The following PTPRG variants were observed in gnomAD, a reference collection of about 807,000 sequenced individuals.
The protein encoded by PTPRG is receptor-type tyrosine-protein phosphatase gamma.
In PTPRG, 102 loss-of-function variants were observed where a neutral mutation model predicts 165.3. The observed-to-expected ratio is 0.62, with a 90% CI of 0.53 to 0.73. The LOEUF is 0.73. PTPRG is among the 30% of genes least tolerant of loss of function. PTPRG has a pLI of 0.00. For synonymous variants in PTPRG, 675 were observed against 669.5 expected (o/e 1.01, Z -0.13); for missense variants, 1,866 against 1,861.4 (o/e 1.00, Z -0.05).
chr3:61,989,916 G>A (rs1443215301), intron 3 of PTPRG, 112 bp downstream of exon 3: 2 of 1,199,120 alleles, frequency 1.7e-6, no homozygotes, highest in Non-Finnish European at 2.3e-6. Flanking sequence ...TTGCTGTGGG[G>A]AGCCTAAATC....
chr3:61,583,060 A>G (rs1700342179), intron 1 of PTPRG, among the ~76,000 whole-genome samples: 1 of 152,198 alleles, frequency 6.6e-6, no homozygotes, highest in African/African-American at 2.4e-5. Flanking sequence ...GTGGTTGACC[A>G]TGAGGCAAAT....
chr3:61,748,774 A>T, intron 1 of PTPRG, 104 bp from the exon 2 acceptor site: 1 of 862,722 alleles, frequency 1.2e-6, no homozygotes, highest in Non-Finnish European at 1.8e-6. Flanking sequence ...GTCATCCTCA[A>T]GGACTATGAT....
chr3:61,879,565 A>G (rs1401459386), intron 2 of PTPRG, among the ~76,000 whole-genome samples: 2 of 152,172 alleles, frequency 1.3e-5, no homozygotes, highest in Non-Finnish European at 2.9e-5. Context: ...ATGTTACTTA[A>G]TGACAGGGAT....
intron 1 of PTPRG, among the ~76,000 whole-genome samples, chr3:61,615,602 A>G (rs964027467): frequency 6.6e-6 from 1 of 152,216 alleles, no homozygotes; most frequent in African/African-American, 2.4e-5. Flanking sequence ...TTGAGCAGGT[A>G]CTTTGAGACT....
intron 2 of PTPRG, among the ~76,000 whole-genome samples, chr3:61,807,884 C>G (rs1391912624): frequency 1.3e-5 from 2 of 152,116 alleles, no homozygotes; most frequent in African/African-American, 4.8e-5. Flanking sequence ...ACTGGGCAAC[C>G]ATATTTTTGA....
At chr3:61,640,752 A>C (rs9881520) in intron 1 of PTPRG, among the ~76,000 whole-genome samples, 14 of 152,048 alleles carry the variant, frequency 9.2e-5, no homozygotes, top group Non-Finnish European at 1.9e-4. Flanking sequence ...GCAATGTAGT[A>C]ATTTAATCAA....
chr3:61,827,283 T>A (rs912827652), intron 2 of PTPRG, among the ~76,000 whole-genome samples: 18 of 152,214 alleles, frequency 1.2e-4, no homozygotes, highest in African/African-American at 4.3e-4. Flanking sequence ...CATAACGTAG[T>A]TCACCCAGAG....
chr3:62,151,339 A>G (rs1392485131), intron 6 of PTPRG, among the ~76,000 whole-genome samples: 1 of 152,192 alleles, frequency 6.6e-6, no homozygotes, highest in African/African-American at 2.4e-5. Context: ...TCTTTTTCCA[A>G]ATAAATCTCC....
At chr3:62,133,306 G>A (rs35853900) in intron 6 of PTPRG, among the ~76,000 whole-genome samples, 19,406 of 152,164 alleles carry the variant, frequency 0.13, 1,662 homozygotes, top group Non-Finnish European at 0.18. Context: ...TACCCTTGTC[G>A]CAGTGAGGTG....
chr3:61,731,632 C>T (rs1185605410), intron 1 of PTPRG, among the ~76,000 whole-genome samples: 1 of 152,092 alleles, frequency 6.6e-6, no homozygotes, highest in African/African-American at 2.4e-5. Flanking sequence ...CAGGCGTGAG[C>T]CACTGTGCCC....
chr3:62,085,277 G>A (rs1036677380), intron 5 of PTPRG, among the ~76,000 whole-genome samples: 1 of 152,164 alleles, frequency 6.6e-6, no homozygotes, highest in Non-Finnish European at 1.5e-5. Flanking sequence ...AAAGGTTGCT[G>A]TTTGTGTCAG....
At chr3:61,670,028 T>C (rs1702925927) in intron 1 of PTPRG, among the ~76,000 whole-genome samples, 1 of 152,214 alleles carries the variant, frequency 6.6e-6, no homozygotes. Flanking sequence ...TTGGACACCT[T>C]GATTCAATCC....
At chr3:61,920,482 A>G (rs1575785671) in intron 2 of PTPRG, among the ~76,000 whole-genome samples, 1 of 152,018 alleles carries the variant, frequency 6.6e-6, no homozygotes, top group African/African-American at 2.4e-5. Context: ...TGCAAACTCC[A>G]CCTCCCGGGT....
At chr3:61,795,044 AAT>A (rs2035002438) in intron 2 of PTPRG, among the ~76,000 whole-genome samples, 1 of 152,194 alleles carries the variant, frequency 6.6e-6, no homozygotes, top group Non-Finnish European at 1.5e-5. Flanking sequence ...TTGCATACTT[AAT>A]ATATTCCTGA....
At chr3:62,073,637 G>T (rs545268722) in intron 4 of PTPRG, among the ~76,000 whole-genome samples, 3 of 152,074 alleles carry the variant, frequency 2.0e-5, no homozygotes, top group South Asian at 2.1e-4. Context: ...ACCTGCCACC[G>T]CACCTGGCTA....
At chr3:61,901,412 A>G (rs923746425) in intron 2 of PTPRG, among the ~76,000 whole-genome samples, 3 of 152,136 alleles carry the variant, frequency 2.0e-5, no homozygotes, top group Non-Finnish European at 2.9e-5. Context: ...TAATGTTTCT[A>G]TTGACTGCTG....
intron 20 of PTPRG, 50 bp downstream of exon 20, chr3:62,269,219 T>C: frequency 1.3e-6 from 2 of 1,501,200 alleles, no homozygotes; most frequent in Non-Finnish European, 1.8e-6. Context: ...TTTATACTTG[T>C]ATGAAAATTA....
intron 3 of PTPRG, among the ~76,000 whole-genome samples, chr3:61,993,146 C>T (rs1390294815): frequency 6.6e-6 from 1 of 150,812 alleles, no homozygotes; most frequent in Admixed American, 6.6e-5. Context: ...GATAGGTAAC[C>T]TATTTCTTTT....
intron 2 of PTPRG, among the ~76,000 whole-genome samples, chr3:61,851,187 T>TGGACTTTGTTGGAGAAA (rs2036954315): frequency 1.3e-5 from 2 of 152,216 alleles, no homozygotes; most frequent in South Asian, 4.1e-4. Flanking sequence ...TAAGCAAAGA[T>TGGACTTTGTTGGAGAAA]GGACTTTGTT....
Sources: allele counts gnomAD v4.1 joint callset (sites outside exome capture counted in the v4.1 genomes callset), GRCh38; gene constraint gnomAD v4.1.1; transcripts MANE v1.5; gene names NCBI Gene and HGNC (gene_info 2026-07-23, HGNC 2026-07-21).